RHBDD1: variants seen among roughly 807,000 people sequenced by gnomAD.
RHBDD1 encodes rhomboid-related protein 4.
Under a neutral mutation model 36.3 loss-of-function variants are expected in RHBDD1, and 38 were observed. That is an observed-to-expected ratio of 1.05 (90% CI 0.81 to 1.37). RHBDD1 has a LOEUF of 1.37. Ranked by LOEUF, RHBDD1 falls within the 40% of genes most tolerant of loss-of-function variation. The pLI is 0.00. For synonymous variants in RHBDD1, 151 were observed against 136.5 expected, an observed-to-expected ratio of 1.11 and a Z score of -0.74; for missense variants, 393 against 377.6, an observed-to-expected ratio of 1.04 and a Z score of -0.34.
chr2:226,824,710 C>T, the RHBDD1 span, among the ~76,000 whole-genome samples: 1 of 152,194 alleles, frequency 6.6e-6, no homozygotes, highest in Non-Finnish European at 1.5e-5. Flanking sequence ...GCTCCCTTCA[C>T]CCAAGATCTT....
chr2:226,853,626 C>T (rs1943047205), intron 3 of RHBDD1, among the ~76,000 whole-genome samples: 2 of 152,160 alleles, frequency 1.3e-5, no homozygotes, highest in African/African-American at 4.8e-5. Flanking sequence ...AGTGGAATTT[C>T]TGTCTGTCTT....
chr2:226,955,499 A>G (rs1157412031), intron 8 of RHBDD1, among the ~76,000 whole-genome samples: 2 of 152,202 alleles, frequency 1.3e-5, no homozygotes, highest in Non-Finnish European at 2.9e-5. Flanking sequence ...TGGGACCACA[A>G]AGTCATGTCA....
chr2:226,868,379 CTGCCCATTCA>C lies in RHBDD1; in HGVS notation c.566+1065_566+1074del, dbSNP rs1944511049. Among the ~76,000 whole-genome samples, 4 of 152,322 alleles carry C rather than the reference CTGCCCATTCA, an allele frequency of 2.6e-5. No homozygotes were observed. The South Asian group carries it at 8.3e-4, about 32-fold the overall frequency. On this transcript the variant is annotated intron_variant, in intron 5 of 8. Transcript: ENST00000392062. Reference sequence around the variant, plus strand: ...GCCCCCTGACTCCTGTCTGGGGCTCCTGCCCATTCATGCTGCACTTTCTTCCTTTGGTTCT... The same window carrying C: ...GCCCCCTGACTCCTGTCTGGGGCTCCTGCTGCACTTTCTTCCTTTGGTTCT...
chr2:226,899,988 C>G (rs773114314), intron 5 of RHBDD1, among the ~76,000 whole-genome samples: 14 of 152,168 alleles, frequency 9.2e-5, no homozygotes, highest in Non-Finnish European at 1.8e-4. Flanking sequence ...CAGTTAAATA[C>G]AGAATTACTT....
intron 1 of RHBDD1, chr2:226,837,755 G>T (rs943815282): frequency 6.6e-6 from 1 of 152,154 alleles, no homozygotes; most frequent in East Asian, 1.9e-4. Context: ...AGCTGGTCCC[G>T]AACTCCTGAC....
chr2:226,883,295 A>G (rs1945927510), intron 5 of RHBDD1, among the ~76,000 whole-genome samples: 2 of 152,222 alleles, frequency 1.3e-5, no homozygotes, highest in Non-Finnish European at 2.9e-5. Context: ...TGTGTTCTGT[A>G]ATTAGACAGG....
chr2:226,950,339 G>GT (rs1283174344), intron 8 of RHBDD1, among the ~76,000 whole-genome samples: 1 of 152,104 alleles, frequency 6.6e-6, no homozygotes, highest in East Asian at 1.9e-4. Context: ...TTGTCCTCCA[G>GT]TTTCCTCCAC....
At chr2:226,882,352 C>T (rs1294447754) in intron 5 of RHBDD1, among the ~76,000 whole-genome samples, 1 of 148,616 alleles carries the variant, frequency 6.7e-6, no homozygotes, top group African/African-American at 2.5e-5. Context: ...ATTGCTTGAA[C>T]CCGGTAGGTG....
chr2:226,920,563 C>T (rs983768956), intron 8 of RHBDD1, among the ~76,000 whole-genome samples: 1 of 152,022 alleles, frequency 6.6e-6, no homozygotes, highest in Non-Finnish European at 1.5e-5. Context: ...TGTATTCCTT[C>T]TATGCTCATT....
At chr2:226,848,778 T>G (rs1444118095) in intron 3 of RHBDD1, among the ~76,000 whole-genome samples, 1 of 152,224 alleles carries the variant, frequency 6.6e-6, no homozygotes, top group Non-Finnish European at 1.5e-5. Flanking sequence ...GAATTTCATT[T>G]TAAGGACAGA....
chr2:226,936,568 T>G (rs1281182850), intron 8 of RHBDD1, among the ~76,000 whole-genome samples: 1 of 152,090 alleles, frequency 6.6e-6, no homozygotes, highest in Non-Finnish European at 1.5e-5. Flanking sequence ...ATGAGAAGAT[T>G]TAACAATAAA....
intron 8 of RHBDD1, among the ~76,000 whole-genome samples, chr2:226,970,142 C>T (rs1036316981): frequency 4.6e-5 from 7 of 151,832 alleles, no homozygotes; most frequent in African/African-American, 1.5e-4. Flanking sequence ...ATCACATGGC[C>T]TCCTAGGATA....
chr2:226,932,597 G>A (rs1247275630), intron 8 of RHBDD1, among the ~76,000 whole-genome samples: 2 of 151,882 alleles, frequency 1.3e-5, no homozygotes, highest in African/African-American at 2.4e-5. Flanking sequence ...GCTGTGACTC[G>A]GATAGGTTCT....
chr2:226,981,305 T>G (rs1000067030), intron 8 of RHBDD1, among the ~76,000 whole-genome samples: 5 of 152,068 alleles, frequency 3.3e-5, no homozygotes, highest in African/African-American at 1.2e-4. Context: ...GCATGGCACA[T>G]GTATACCTAT....
intron 5 of RHBDD1, 199 bp downstream of exon 5, chr2:226,867,517 G>A: frequency 6.7e-6 from 6 of 902,002 alleles, no homozygotes; most frequent in Non-Finnish European, 7.9e-6. Context: ...GTATAATTTT[G>A]GGTCACTTGT....
chr2:226,992,067 C>T (rs1031218931), intron 8 of RHBDD1, among the ~76,000 whole-genome samples: 1 of 152,104 alleles, frequency 6.6e-6, no homozygotes, highest in East Asian at 1.9e-4. Flanking sequence ...AAGATAAGAC[C>T]CTTCGAGAAA....
the RHBDD1 span, among the ~76,000 whole-genome samples, chr2:226,821,644 GACT>G: frequency 3.2e-3 from 479 of 151,938 alleles, 23 homozygotes; most frequent in East Asian, 0.083. Context: ...TTTAGCTTCT[GACT>G]ACTTCTTGGT....
chr2:226,942,838 T>A (rs984187852), intron 8 of RHBDD1, among the ~76,000 whole-genome samples: 1 of 152,224 alleles, frequency 6.6e-6, no homozygotes, highest in African/African-American at 2.4e-5. Flanking sequence ...TGATTCATAA[T>A]AGAAAAGAAT....
intron 8 of RHBDD1, among the ~76,000 whole-genome samples, chr2:226,984,912 C>T (rs893582243): frequency 2.9e-5 from 4 of 139,580 alleles, no homozygotes; most frequent in African/African-American, 1.1e-4. Context: ...CCTTCTGATG[C>T]TCTCCTGGGG....
Sources: gnomAD v4.1 joint callset for allele counts (sites outside exome capture counted in the v4.1 genomes callset) on GRCh38, gnomAD v4.1.1 for gene constraint, MANE v1.5 for transcripts, NCBI Gene and HGNC (gene_info 2026-07-23, HGNC 2026-07-21) for gene names.